The following TRPM3 variants were observed in gnomAD, a reference collection of about 807,000 sequenced individuals.
TRPM3 encodes long transient receptor potential channel 3.
In TRPM3, 77 loss-of-function variants were observed where a neutral mutation model predicts 181.2. That is an observed-to-expected ratio of 0.42 (90% CI 0.35 to 0.51). The LOEUF is 0.51. Among genes scored for constraint, TRPM3 ranks in the 20% least tolerant of loss-of-function variants. The probability of loss-of-function intolerance (pLI) is 0.01; values close to 1 mark genes in which losing one functional copy is unlikely to be tolerated. For synonymous variants in TRPM3, 745 were observed against 796.4 expected, an observed-to-expected ratio of 0.94 and a Z score of 1.09; for missense variants, 1,759 against 2,196.7, an observed-to-expected ratio of 0.80 and a Z score of 3.98.
At position 70,536,544 on chromosome 9, in the gene TRPM3, A is replaced by G. The variant is rs747472240; in HGVS notation, c.4569T>C (p.Leu1523=). The G allele has an allele frequency of 3.1e-6, 5 of 1,614,118 alleles. No homozygotes were observed. The highest frequency in any genetic ancestry group is 4.2e-6 in the Non-Finnish European group (5 of 1,180,014). ...SSRYLATTPF[L]LEEAPIVKSH... is the part of the protein sequence containing the mutation. ...ATTTCACAATGGGAGCCTCTTCTAG[A>G]AGAAAGGGTGTGGTGGCTAGGTAGC... The change falls in exon 26 of 26, where the codon CTT becomes CTC. Residue 1523 remains leucine, a synonymous_variant. Transcript: ENST00000677713.
At chr9:70,809,092 G>C (rs1440091131) in intron 6 of TRPM3, among the ~76,000 whole-genome samples, 1 of 151,916 alleles carries the variant, frequency 6.6e-6, no homozygotes, top group Non-Finnish European at 1.5e-5. Flanking sequence ...AAAATACAAA[G>C]ATAAAAAATT....
intron 1 of TRPM3, among the ~76,000 whole-genome samples, chr9:71,354,512 T>C (rs1394644984): frequency 3.3e-5 from 5 of 152,216 alleles, no homozygotes. Flanking sequence ...CAACTTATCC[T>C]TTGACAGAAT....
At chr9:70,674,631 C>A (rs1158585860) in intron 9 of TRPM3, among the ~76,000 whole-genome samples, 1 of 151,542 alleles carries the variant, frequency 6.6e-6, no homozygotes, top group Non-Finnish European at 1.5e-5. Context: ...GCAATCATGG[C>A]TTACTGCAGC....
At chr9:70,655,305 CAAAAA>C (rs1169901529) in intron 9 of TRPM3, among the ~76,000 whole-genome samples, 94 of 33,170 alleles carry the variant, frequency 2.8e-3, no homozygotes, top group African/African-American at 7.6e-3. Context: ...GACTCCGTCT[CAAAAA>C]AAAAAAAAAA....
intron 1 of TRPM3, among the ~76,000 whole-genome samples, chr9:71,060,787 C>A (rs2061240721): frequency 6.6e-6 from 1 of 152,132 alleles, no homozygotes; most frequent in African/African-American, 2.4e-5. Flanking sequence ...ATTAAACTAA[C>A]ACTGGTTGAC....
In TRPM3 at chr9:70,815,386, G is replaced by A. The variant is rs556167018; in HGVS notation, c.973+12461C>T. 2.0e-5 allele frequency among the ~76,000 whole-genome samples: 3 copies of A among 152,160 alleles called. No individual in the cohort carries two copies. The South Asian group carries it at 6.2e-4, about 32-fold the overall frequency. On this transcript the variant is annotated intron_variant, in intron 6 of 25. Coordinates refer to ENST00000677713, the MANE Select transcript of TRPM3 (RefSeq NM_001366145.2). Reference sequence around the variant, plus strand: ...AATGAATTCCTAGAAGTAAAATTATGGGGCTAAAGGGTACATATATTTCAT... The same window carrying A: ...AATGAATTCCTAGAAGTAAAATTATAGGGCTAAAGGGTACATATATTTCAT...
chr9:71,269,155 A>C (rs1384892482), intron 1 of TRPM3, among the ~76,000 whole-genome samples: 1 of 152,252 alleles, frequency 6.6e-6, no homozygotes, highest in Non-Finnish European at 1.5e-5. Flanking sequence ...TGTTTAGTAC[A>C]ATCATTTCTG....
At chr9:70,828,110 G>T in intron 5 of TRPM3, 92 bp from the exon 6 acceptor site, 1 of 1,282,978 alleles carries the variant, frequency 7.8e-7, no homozygotes, top group Non-Finnish European at 1.1e-6. Context: ...GAGGAAGAAA[G>T]AACATCAGTT....
At chr9:70,855,615 T>C (rs1354413856) in intron 3 of TRPM3, among the ~76,000 whole-genome samples, 1 of 152,240 alleles carries the variant, frequency 6.6e-6, no homozygotes, top group Non-Finnish European at 1.5e-5. Flanking sequence ...ATTCTAACAA[T>C]ATTTTTAATG....
intron 1 of TRPM3, among the ~76,000 whole-genome samples, chr9:70,898,162 G>C (rs188920369): frequency 1.3e-5 from 2 of 150,268 alleles, no homozygotes; most frequent in Non-Finnish European, 3.0e-5. Context: ...TGGCTCTGTC[G>C]CCCAGGCTGG....
chr9:70,945,144 A>G lies in TRPM3; in HGVS notation c.178-80633T>C, dbSNP rs147744450. Among the ~76,000 whole-genome samples, 1,085 of 152,296 alleles carry G rather than the reference A, an allele frequency of 7.1e-3. 9 individuals are homozygous for G. Among genetic ancestry groups the G allele is most frequent in the African/African-American group, 0.025 (1,026 of 41,568 alleles). On this transcript the variant is annotated intron_variant, in intron 1 of 25. Transcript: ENST00000677713. ...AATGTGCAGCCAGTGTGGAGAAAACACTGAGATGGTAAGAAGGCACAGGAG... is the reference window on the plus strand; with the variant it reads ...AATGTGCAGCCAGTGTGGAGAAAACGCTGAGATGGTAAGAAGGCACAGGAG...
chr9:71,328,875 A>T (rs79410481), intron 1 of TRPM3, among the ~76,000 whole-genome samples: 1 of 152,234 alleles, frequency 6.6e-6, no homozygotes, highest in Non-Finnish European at 1.5e-5. Context: ...ACAGAAAGCA[A>T]TGTATCCCTA....
At chr9:71,322,355 C>T (rs1048912751) in intron 1 of TRPM3, among the ~76,000 whole-genome samples, 3 of 152,048 alleles carry the variant, frequency 2.0e-5, no homozygotes, top group Non-Finnish European at 4.4e-5. Context: ...GACGATGATA[C>T]CATAAAATAT....
chr9:71,200,201 C>T (rs1016964677), intron 1 of TRPM3, among the ~76,000 whole-genome samples: 1 of 151,944 alleles, frequency 6.6e-6, no homozygotes, highest in African/African-American at 2.4e-5. Context: ...GTTTCTTAAT[C>T]CTGAGTTCTA....
At chr9:70,946,746 C>T (rs563630944) in intron 1 of TRPM3, among the ~76,000 whole-genome samples, 2 of 152,196 alleles carry the variant, frequency 1.3e-5, no homozygotes, top group South Asian at 4.2e-4. Context: ...CCCACCTGGT[C>T]CCCCAACCAA....
chr9:71,029,416 G>A (rs1051323498), intron 1 of TRPM3, among the ~76,000 whole-genome samples: 1 of 152,118 alleles, frequency 6.6e-6, no homozygotes, highest in Non-Finnish European at 1.5e-5. Flanking sequence ...GATTTCTAGT[G>A]CCAAAGATGT....
chr9:71,054,192 C>T (rs887688858), intron 1 of TRPM3, among the ~76,000 whole-genome samples: 4 of 152,092 alleles, frequency 2.6e-5, no homozygotes, highest in Admixed American at 2.0e-4. Context: ...AAAGAGGAAG[C>T]AGCTTACCCA....
chr9:70,676,350 G>A (rs1300693855), intron 9 of TRPM3, among the ~76,000 whole-genome samples: 1 of 152,162 alleles, frequency 6.6e-6, no homozygotes, highest in Non-Finnish European at 1.5e-5. Flanking sequence ...ATAGATGAAT[G>A]GTGGGGGTAA....
intron 1 of TRPM3, among the ~76,000 whole-genome samples, chr9:71,032,345 G>A (rs1314039077): frequency 6.7e-6 from 1 of 150,016 alleles, no homozygotes; most frequent in African/African-American, 2.5e-5. Context: ...AGAGCATGAT[G>A]AAAGATCTGG....
Sources: gnomAD v4.1 joint callset for allele counts (sites outside exome capture counted in the v4.1 genomes callset) on GRCh38, gnomAD v4.1.1 for gene constraint, MANE v1.5 for transcripts, NCBI Gene and HGNC (gene_info 2026-07-23, HGNC 2026-07-21) for gene names.